CACNA2D3: variants seen among roughly 807,000 people sequenced by gnomAD.
The protein encoded by CACNA2D3 is calcium voltage-gated channel auxiliary subunit alpha2delta 3, also known as voltage-dependent calcium channel subunit alpha-2/delta-3.
Under a neutral mutation model 160.6 loss-of-function variants are expected in CACNA2D3, and 60 were observed. That is an observed-to-expected ratio of 0.37 (90% CI 0.30 to 0.46). The LOEUF (loss-of-function observed/expected upper bound fraction) is 0.46. Among genes scored for constraint, CACNA2D3 ranks in the 20% least tolerant of loss-of-function variants. CACNA2D3 has a pLI of 1.00. For synonymous variants in CACNA2D3, 558 were observed against 492.9 expected (o/e 1.13, Z -1.75); for missense variants, 1,205 against 1,365.0 (o/e 0.88, Z 1.85).
intron 3 of CACNA2D3, among the ~76,000 whole-genome samples, chr3:54,357,526 A>T (rs1328994074): frequency 1.3e-5 from 2 of 152,174 alleles, no homozygotes; most frequent in Non-Finnish European, 2.9e-5. Context: ...TTCTTATGGG[A>T]CTACACATAC....
intron 11 of CACNA2D3, among the ~76,000 whole-genome samples, chr3:54,699,517 A>G (rs576122060): frequency 6.6e-6 from 1 of 152,224 alleles, no homozygotes; most frequent in East Asian, 1.9e-4. Flanking sequence ...GTGACAATGT[A>G]TGTCTCACTC....
chr3:54,549,387 A>G (rs570086988), intron 5 of CACNA2D3, among the ~76,000 whole-genome samples: 1 of 152,346 alleles, frequency 6.6e-6, no homozygotes, highest in South Asian at 2.1e-4. Context: ...CGGAACTTGC[A>G]GTGAGCCGAG....
At chr3:54,346,107 A>G (rs1698454227) in intron 3 of CACNA2D3, among the ~76,000 whole-genome samples, 1 of 152,162 alleles carries the variant, frequency 6.6e-6, no homozygotes, top group Non-Finnish European at 1.5e-5. Context: ...AAGATGTTTG[A>G]TGACCCTGCC....
At chr3:54,817,974 T>C (rs1250898358) in intron 14 of CACNA2D3, among the ~76,000 whole-genome samples, 2 of 152,176 alleles carry the variant, frequency 1.3e-5, no homozygotes, top group Non-Finnish European at 2.9e-5. Flanking sequence ...GAATTCCAGA[T>C]TGTTTGGAAG....
chr3:54,688,928 G>A (rs1700516673), intron 11 of CACNA2D3, among the ~76,000 whole-genome samples: 1 of 130,762 alleles, frequency 7.6e-6, no homozygotes, highest in Admixed American at 9.0e-5. Context: ...GTTGCAGTGA[G>A]CTGAAATTGC....
intron 33 of CACNA2D3, among the ~76,000 whole-genome samples, chr3:55,008,477 C>T (rs1210291358): frequency 6.6e-6 from 1 of 152,116 alleles, no homozygotes; most frequent in African/African-American, 2.4e-5. Flanking sequence ...TTAAGTTGTA[C>T]CAAACTCTCT....
At chr3:54,428,413 C>T (rs1192354189) in intron 4 of CACNA2D3, among the ~76,000 whole-genome samples, 2 of 152,004 alleles carry the variant, frequency 1.3e-5, no homozygotes, top group African/African-American at 2.4e-5. Context: ...CACTGGGGGC[C>T]GAGATCTGAT....
intron 4 of CACNA2D3, among the ~76,000 whole-genome samples, chr3:54,486,698 T>A (rs1285179097): frequency 6.6e-6 from 1 of 152,136 alleles, no homozygotes; most frequent in Non-Finnish European, 1.5e-5. Context: ...TTGTGACCCT[T>A]GACCCAGGGT....
intron 27 of CACNA2D3, among the ~76,000 whole-genome samples, chr3:54,930,855 T>C (rs1347320105): frequency 6.6e-6 from 1 of 152,136 alleles, no homozygotes; most frequent in East Asian, 1.9e-4. Context: ...CAATATACTT[T>C]GGGAGGCTGA....
intron 5 of CACNA2D3, among the ~76,000 whole-genome samples, chr3:54,547,672 CTTTTTTT>C (rs55806357): frequency 4.3e-5 from 3 of 69,306 alleles, no homozygotes; most frequent in African/African-American, 1.7e-4. Context: ...TCCCCCAACC[CTTTTTTT>C]TTTTTTTTTT....
intron 4 of CACNA2D3, among the ~76,000 whole-genome samples, chr3:54,416,461 C>G (rs190364526): frequency 6.6e-6 from 1 of 152,236 alleles, no homozygotes; most frequent in East Asian, 1.9e-4. Context: ...TTGTTAGAAT[C>G]TGTTACATCC....
intron 4 of CACNA2D3, among the ~76,000 whole-genome samples, chr3:54,394,318 A>ATTTTTTTTTTTTT (rs34291779): frequency 7.2e-6 from 1 of 139,322 alleles, no homozygotes; most frequent in African/African-American, 2.7e-5. Context: ...GAGAGTGAAC[A>ATTTTTTTTTTTTT]TTTTTTTTTT....
chr3:55,008,948 C>G (rs1421169139), intron 33 of CACNA2D3, among the ~76,000 whole-genome samples: 7 of 134,876 alleles, frequency 5.2e-5, no homozygotes, highest in Non-Finnish European at 1.2e-4. Flanking sequence ...AAGTTCAAGT[C>G]GCAGTATTCA....
chr3:54,265,646 GTATATATATAGTGTATATA>G (rs71074958), intron 2 of CACNA2D3, among the ~76,000 whole-genome samples: 1 of 146,808 alleles, frequency 6.8e-6, no homozygotes, highest in Non-Finnish European at 1.5e-5. Flanking sequence ...TATATAGTGT[GTATATATATAGTGTATATA>G]TATAGTGTGT....
intron 4 of CACNA2D3, among the ~76,000 whole-genome samples, chr3:54,400,138 A>G (rs1006756367): frequency 1.4e-5 from 2 of 144,826 alleles, no homozygotes; most frequent in Non-Finnish European, 3.0e-5. Flanking sequence ...AGGTGAGGCA[A>G]TGCCTCGCCC....
intron 3 of CACNA2D3, among the ~76,000 whole-genome samples, chr3:54,349,386 G>A (rs1698513206): frequency 6.6e-6 from 1 of 152,170 alleles, no homozygotes. Flanking sequence ...GCATTCCTGA[G>A]AGGCAGCTCT....
At chr3:54,524,276 T>C (rs1307706595) in intron 5 of CACNA2D3, among the ~76,000 whole-genome samples, 1 of 152,140 alleles carries the variant, frequency 6.6e-6, no homozygotes, top group Non-Finnish European at 1.5e-5. Context: ...TATTTAGGAG[T>C]GTGTTGCTTA....
intron 3 of CACNA2D3, among the ~76,000 whole-genome samples, chr3:54,330,923 C>T (rs1704234959): frequency 6.6e-6 from 1 of 152,140 alleles, no homozygotes; most frequent in Non-Finnish European, 1.5e-5. Flanking sequence ...TTAGGGTTGG[C>T]CTCTGAGACC....
chr3:54,607,307 C>G (rs1340353562), intron 9 of CACNA2D3, among the ~76,000 whole-genome samples: 1 of 152,048 alleles, frequency 6.6e-6, no homozygotes, highest in African/African-American at 2.4e-5. Flanking sequence ...GCTCCCCATG[C>G]AGCTGGTTTT....
Sources: allele counts gnomAD v4.1 joint callset (sites outside exome capture counted in the v4.1 genomes callset), GRCh38; gene constraint gnomAD v4.1.1; transcripts MANE v1.5; gene names NCBI Gene and HGNC (gene_info 2026-07-23, HGNC 2026-07-21).